The following PAPSS1 variants were observed in gnomAD, a reference collection of about 807,000 sequenced individuals.
PAPSS1 encodes the protein 3'-phosphoadenosine 5'-phosphosulfate synthase 1.
Under a neutral mutation model 72.0 loss-of-function variants are expected in PAPSS1, and 50 were observed. That is an observed-to-expected ratio of 0.69 (90% CI 0.55 to 0.88). The LOEUF (loss-of-function observed/expected upper bound fraction) is 0.88. PAPSS1 is among the 40% of genes least tolerant of loss of function. PAPSS1 has a pLI of 0.00. For missense variants in PAPSS1, 657 were observed against 782.2 expected, an observed-to-expected ratio of 0.84 and a Z score of 1.91; for synonymous variants, 261 against 263.6, an observed-to-expected ratio of 0.99 and a Z score of 0.09.
intron 2 of PAPSS1, among the ~76,000 whole-genome samples, chr4:107,695,302 T>C (rs1386060708): frequency 6.6e-6 from 1 of 152,216 alleles, no homozygotes; most frequent in African/African-American, 2.4e-5. Context: ...TTGTCTATTG[T>C]TGGTGTAGAA....
intron 5 of PAPSS1, among the ~76,000 whole-genome samples, chr4:107,660,551 G>T (rs1433853495): frequency 6.6e-6 from 1 of 152,076 alleles, no homozygotes; most frequent in Non-Finnish European, 1.5e-5. Context: ...CACCACTGTG[G>T]TTTGAAAATC....
chr4:107,696,604 G>A (rs1223774833), intron 2 of PAPSS1, among the ~76,000 whole-genome samples: 2 of 152,054 alleles, frequency 1.3e-5, no homozygotes, highest in African/African-American at 4.8e-5. Flanking sequence ...GTAGGGGAGG[G>A]AAAGCATCAG....
chr4:107,712,597 G>A (rs773048208), intron 1 of PAPSS1, among the ~76,000 whole-genome samples: 20 of 152,154 alleles, frequency 1.3e-4, no homozygotes, highest in Non-Finnish European at 2.1e-4. Flanking sequence ...AGATGTGGCC[G>A]GGCGTGGTGG....
chr4:107,710,465 A>G (rs1723460752), intron 1 of PAPSS1, among the ~76,000 whole-genome samples: 1 of 152,224 alleles, frequency 6.6e-6, no homozygotes, highest in African/African-American at 2.4e-5. Flanking sequence ...CCTAGAAAGT[A>G]GGTCAAGGAC....
chr4:107,699,808 A>G (rs1723164112), intron 2 of PAPSS1, among the ~76,000 whole-genome samples: 1 of 152,168 alleles, frequency 6.6e-6, no homozygotes, highest in Non-Finnish European at 1.5e-5. Flanking sequence ...CCAAATATAT[A>G]TTTTACCCAG....
intron 5 of PAPSS1, among the ~76,000 whole-genome samples, chr4:107,677,351 C>T (rs1341395416): frequency 2.6e-5 from 4 of 152,164 alleles, no homozygotes; most frequent in African/African-American, 4.8e-5. Context: ...AAAAAACAAA[C>T]AACCCCATCA....
chr4:107,710,736 T>C (rs756634724), intron 1 of PAPSS1, among the ~76,000 whole-genome samples: 16 of 152,154 alleles, frequency 1.1e-4, no homozygotes, highest in Non-Finnish European at 2.2e-4. Context: ...TCTCTCTCTC[T>C]CTCTCTGGGT....
chr4:107,623,751 T>C (rs1726026489), intron 11 of PAPSS1, among the ~76,000 whole-genome samples: 2 of 152,190 alleles, frequency 1.3e-5, no homozygotes, highest in Admixed American at 1.3e-4. Flanking sequence ...ATCTACACTA[T>C]GAGGCATTGA....
chr4:107,712,648 G>C (rs1262672316), intron 1 of PAPSS1, among the ~76,000 whole-genome samples: 1 of 152,086 alleles, frequency 6.6e-6, no homozygotes, highest in Non-Finnish European at 1.5e-5. Context: ...GCGCAGGCGG[G>C]TGGATCATGA....
chr4:107,653,787 G>A (rs959120457), intron 8 of PAPSS1, among the ~76,000 whole-genome samples, 161 bp from the exon 9 acceptor site: 6 of 152,134 alleles, frequency 3.9e-5, no homozygotes, highest in African/African-American at 9.7e-5. Context: ...TATAAAATTA[G>A]AATCGATTTT....
At chr4:107,672,878 T>G (rs574675528) in intron 5 of PAPSS1, among the ~76,000 whole-genome samples, 3 of 152,096 alleles carry the variant, frequency 2.0e-5, no homozygotes, top group Non-Finnish European at 4.4e-5. Context: ...AGAGGAACGA[T>G]CAGGCAGCAA....
Position 107,720,220 on chromosome 4 carries a change from G to A in PAPSS1, c.-41C>T. The A allele has an allele frequency of 1.9e-6, 3 of 1,583,158 alleles. No homozygotes were observed. The highest frequency in any genetic ancestry group is 2.6e-6 in the Non-Finnish European group (3 of 1,166,446). On this transcript the variant is annotated 5_prime_UTR_variant, in exon 1 of 12. Coordinates refer to ENST00000265174, the MANE Select transcript of PAPSS1 (RefSeq NM_005443.5). Reference sequence around the variant, plus strand: ...TGAGCAGCCGGGGTTCTCTGCGCCGGGAGGGTAGCAAGAGGAGGGCAGGCC... The same window carrying A: ...TGAGCAGCCGGGGTTCTCTGCGCCGAGAGGGTAGCAAGAGGAGGGCAGGCC...
At chr4:107,715,450 G>A (rs1172302186) in intron 1 of PAPSS1, among the ~76,000 whole-genome samples, 8 of 152,146 alleles carry the variant, frequency 5.3e-5, no homozygotes, top group Admixed American at 5.2e-4. Context: ...TGAAGGACAA[G>A]TACATTGGCC....
intron 8 of PAPSS1, among the ~76,000 whole-genome samples, 178 bp downstream of exon 8, chr4:107,654,517 A>C (rs1305440868): frequency 6.6e-6 from 1 of 152,194 alleles, no homozygotes; most frequent in Non-Finnish European, 1.5e-5. Flanking sequence ...TTGAATAAAT[A>C]TTTATCTGGA....
At chr4:107,660,854 C>T (rs1727161280) in intron 5 of PAPSS1, among the ~76,000 whole-genome samples, 1 of 152,110 alleles carries the variant, frequency 6.6e-6, no homozygotes, top group African/African-American at 2.4e-5. Flanking sequence ...TGATGGAGGG[C>T]TTTTCATACA....
intron 5 of PAPSS1, among the ~76,000 whole-genome samples, chr4:107,664,105 A>T (rs1727256709): frequency 2.0e-5 from 3 of 152,300 alleles, no homozygotes; most frequent in African/African-American, 7.2e-5. Context: ...CTCCATTTCC[A>T]ATGCTGAGGA....
chr4:107,638,485 C>T (rs1292057846), intron 10 of PAPSS1, among the ~76,000 whole-genome samples: 1 of 152,124 alleles, frequency 6.6e-6, no homozygotes, highest in African/African-American at 2.4e-5. Flanking sequence ...TAATTTTATT[C>T]TTGGAAGTGA....
chr4:107,634,430 T>C (rs1185643205), intron 10 of PAPSS1, among the ~76,000 whole-genome samples: 1 of 152,240 alleles, frequency 6.6e-6, no homozygotes, highest in Admixed American at 6.5e-5. Context: ...AATCCAATTC[T>C]GTGCATCTGA....
chr4:107,664,782 C>T (rs1355624880), intron 5 of PAPSS1, among the ~76,000 whole-genome samples: 2 of 152,158 alleles, frequency 1.3e-5, no homozygotes, highest in Non-Finnish European at 2.9e-5. Context: ...ATTTTGTGCA[C>T]TAATAAAGTT....
Sources: gnomAD v4.1 joint callset for allele counts (sites outside exome capture counted in the v4.1 genomes callset) on GRCh38, gnomAD v4.1.1 for gene constraint, MANE v1.5 for transcripts, NCBI Gene and HGNC (gene_info 2026-07-23, HGNC 2026-07-21) for gene names.